PCDH15: variants seen among roughly 807,000 people sequenced by gnomAD.
PCDH15 encodes protocadherin-15.
A neutral mutation model predicts 178.5 loss-of-function variants in PCDH15; 129 were observed. That is an observed-to-expected ratio of 0.72 (90% confidence interval 0.63 to 0.84). The LOEUF (loss-of-function observed/expected upper bound fraction) is 0.84. PCDH15 is among the 40% of genes least tolerant of loss of function. PCDH15 has a pLI of 0.00. For missense variants in PCDH15, 2,230 were observed against 2,099.9 expected (o/e 1.06, Z -1.21); for synonymous variants, 800 against 732.0 (o/e 1.09, Z -1.50).
chr10:55,106,580 T>G (rs1842678365), intron 2 of PCDH15, among the ~76,000 whole-genome samples: 1 of 152,088 alleles, frequency 6.6e-6, no homozygotes, highest in South Asian at 2.1e-4. Context: ...CACATCCAGC[T>G]AATTTTTATA....
At chr10:54,477,184 A>G (rs1182666554) in intron 3 of PCDH15, among the ~76,000 whole-genome samples, 10 of 152,142 alleles carry the variant, frequency 6.6e-5, no homozygotes, top group Admixed American at 6.6e-4. Flanking sequence ...TGACTTAAAT[A>G]CTACAAAATA....
At chr10:55,104,986 T>C (rs1436234572) in intron 2 of PCDH15, among the ~76,000 whole-genome samples, 1 of 152,154 alleles carries the variant, frequency 6.6e-6, no homozygotes, top group African/African-American at 2.4e-5. Context: ...CTCATCCCAA[T>C]AGCAACAGGA....
At chr10:55,160,633 C>T (rs1325135744) in intron 2 of PCDH15, among the ~76,000 whole-genome samples, 1 of 152,022 alleles carries the variant, frequency 6.6e-6, no homozygotes, top group Non-Finnish European at 1.5e-5. Flanking sequence ...AGCACCTTTG[C>T]ATTTCTGTTG....
intron 21 of PCDH15, among the ~76,000 whole-genome samples, chr10:53,977,588 C>G (rs2090291804): frequency 6.6e-6 from 1 of 152,112 alleles, no homozygotes; most frequent in African/African-American, 2.4e-5. Context: ...ATCATTCCAC[C>G]CTGGCCCCTT....
intron 1 of PCDH15, among the ~76,000 whole-genome samples, chr10:54,753,997 A>AT (rs144330794): frequency 0.56 from 74,342 of 132,394 alleles, 19,369 homozygotes; most frequent in Middle Eastern, 0.71. Flanking sequence ...TATTATTATT[A>AT]TTTTTTATTT....
intron 2 of PCDH15, among the ~76,000 whole-genome samples, chr10:54,901,606 T>C (rs577879326): frequency 3.3e-5 from 5 of 152,144 alleles, no homozygotes; most frequent in South Asian, 4.1e-4. Flanking sequence ...ATAAATGTCA[T>C]TTTTTTCTAA....
At position 54,111,985 on chromosome 10, in the gene PCDH15, A is replaced by C. The variant is rs2095032656; in HGVS notation, c.1917+20890T>G. Among the ~76,000 whole-genome samples, 2 of 74,744 alleles carry C rather than the reference A, an allele frequency of 2.7e-5. 1 individual carries two copies. The highest frequency in any genetic ancestry group is 1.7e-3 in the South Asian group (2 of 1,166). The allele number at this position is 74,744 out of a possible 152,430, so 49.0% of individuals were successfully genotyped here. On this transcript the variant is annotated intron_variant, in intron 15 of 37. Coordinates refer to ENST00000644397, the MANE Select transcript of PCDH15 (RefSeq NM_001384140.1). ...CTACCAAAAATACAAAAAAAAAAAA[A>C]AACAAAACTTAGCTTAGCGTGGTGG...
intron 1 of PCDH15, among the ~76,000 whole-genome samples, chr10:55,209,137 T>C (rs1425093645): frequency 1.3e-5 from 2 of 152,068 alleles, no homozygotes; most frequent in Admixed American, 1.3e-4. Flanking sequence ...TAAATGATGA[T>C]GAATTTACAC....
At chr10:54,812,102 T>C (rs541071856) in intron 3 of PCDH15, among the ~76,000 whole-genome samples, 2 of 152,250 alleles carry the variant, frequency 1.3e-5, no homozygotes, top group Non-Finnish European at 2.9e-5. Flanking sequence ...GATGAAAATA[T>C]GAGAATATCA....
intron 3 of PCDH15, among the ~76,000 whole-genome samples, chr10:54,879,194 GTGTGTGTGTGCTTGTA>G (rs1367681984): frequency 6.6e-6 from 1 of 151,638 alleles, no homozygotes; most frequent in African/African-American, 2.4e-5. Context: ...GTGTGTGTGT[GTGTGTGTGTGCTTGTA>G]TGTGTGTGTG....
chr10:54,420,850 ATAAATATTTT>A (rs1955175374), intron 3 of PCDH15, among the ~76,000 whole-genome samples: 1 of 152,124 alleles, frequency 6.6e-6, no homozygotes, highest in South Asian at 2.1e-4. Flanking sequence ...TATGATATGC[ATAAATATTTT>A]TAAATATTTA....
intron 2 of PCDH15, among the ~76,000 whole-genome samples, chr10:55,051,800 C>A (rs1484875755): frequency 6.6e-6 from 1 of 152,156 alleles, no homozygotes; most frequent in Non-Finnish European, 1.5e-5. Context: ...GTTTCTCACA[C>A]TTGATTGTGA....
At chr10:55,018,862 G>A (rs1040438731) in intron 2 of PCDH15, among the ~76,000 whole-genome samples, 4 of 151,962 alleles carry the variant, frequency 2.6e-5, no homozygotes, top group East Asian at 3.8e-4. Context: ...TATATACCTC[G>A]TATAGGATAA....
At chr10:54,169,295 A>T (rs1373138768) in intron 13 of PCDH15, among the ~76,000 whole-genome samples, 1 of 64,206 alleles carries the variant, frequency 1.6e-5, no homozygotes, top group Non-Finnish European at 3.4e-5. Flanking sequence ...TAACTCTCAC[A>T]GTGGAAGGTA....
intron 2 of PCDH15, among the ~76,000 whole-genome samples, chr10:55,516,229 A>G (rs962337627): frequency 3.3e-5 from 5 of 152,044 alleles, no homozygotes; most frequent in Non-Finnish European, 2.9e-5. Flanking sequence ...ACTGAAAAAA[A>G]TCTCACAAGA....
intron 33 of PCDH15, among the ~76,000 whole-genome samples, chr10:53,819,895 A>G (rs2076194854): frequency 6.6e-6 from 1 of 152,038 alleles, no homozygotes; most frequent in Non-Finnish European, 1.5e-5. Context: ...AATATAAAAC[A>G]CAGGTATCTA....
intron 3 of PCDH15, among the ~76,000 whole-genome samples, chr10:54,871,026 C>G (rs2131794660): frequency 6.6e-6 from 1 of 152,232 alleles, no homozygotes; most frequent in South Asian, 2.1e-4. Context: ...TTCTGAAGTG[C>G]TATTTTAAGG....
At chr10:55,464,303 C>G (rs572277900) in intron 2 of PCDH15, among the ~76,000 whole-genome samples, 3 of 151,974 alleles carry the variant, frequency 2.0e-5, no homozygotes, top group Non-Finnish European at 2.9e-5. Context: ...AATACTGTTA[C>G]GACTAACCAT....
At chr10:54,819,525 C>T (rs1953003105) in intron 3 of PCDH15, among the ~76,000 whole-genome samples, 1 of 151,822 alleles carries the variant, frequency 6.6e-6, no homozygotes, top group African/African-American at 2.4e-5. Flanking sequence ...GACAACTTTT[C>T]TTATTGATAT....
Sources: gnomAD v4.1 joint callset for allele counts (sites outside exome capture counted in the v4.1 genomes callset) on GRCh38, gnomAD v4.1.1 for gene constraint, MANE v1.5 for transcripts, NCBI Gene and HGNC (gene_info 2026-07-23, HGNC 2026-07-21) for gene names.